The following CD101 variants were observed in gnomAD, a reference collection of about 807,000 sequenced individuals.
CD101 encodes the protein immunoglobulin superfamily member 2.
CD101 carries 76 observed loss-of-function variants against 98.2 expected under a neutral mutation model. That is an observed-to-expected ratio of 0.77 (90% CI 0.64 to 0.94). The LOEUF (loss-of-function observed/expected upper bound fraction) is 0.94, where lower values mean the gene tolerates loss of function less well. CD101 is among the 40% of genes least tolerant of loss of function. The probability of loss-of-function intolerance (pLI) is 0.00; values close to 1 mark genes in which losing one functional copy is unlikely to be tolerated. For missense variants in CD101, 1,145 were observed against 1,218.8 expected, an observed-to-expected ratio of 0.94 and a Z score of 0.90; for synonymous variants, 471 against 472.7, an observed-to-expected ratio of 1.00 and a Z score of 0.05.
At chr1:117,020,265 C>G (rs1653500720) in intron 6 of CD101, among the ~76,000 whole-genome samples, 1 of 152,114 alleles carries the variant, frequency 6.6e-6, no homozygotes, top group Non-Finnish European at 1.5e-5. Context: ...TACACTGAGG[C>G]CAGGTGTGGT....
chr1:117,010,229 T>A lies in CD101; in HGVS notation c.423T>A (p.Ile141=). 1 of 1,603,594 alleles carries A rather than the reference T, an allele frequency of 6.2e-7. No individual in the cohort carries two copies. The highest frequency in any genetic ancestry group is 1.3e-5 in the African/African-American group (1 of 74,846). Residue 141 remains isoleucine (I), a splice_region_variant and synonymous_variant, in exon 2 of 10, where the codon ATT becomes ATA. Coordinates refer to ENST00000682167, the MANE Select transcript of CD101 (RefSeq NM_001256106.3). The surrounding 1 kb of genome is among the most constrained non-coding windows in gnomAD (Gnocchi z 5.2). ...GTTACAGTGCAAAGACTAATCTAAT[T>A]GGTAAGTTGCTTGTCCACTTCTGCT... ...YGSYSAKTNL[I]VIPDTLSATM... is the part of the protein sequence containing the mutation.
chr1:117,021,940 A>T lies in CD101; in HGVS notation c.2385A>T (p.Gly795=). ...CAAATGGCACTTGGCACAAGCTTGG[A>T]GAAAAGAAGTCAGGACTAACAGAAT... ...LSTNGTWHKL[G]EKKSGLTELK... Residue 795 remains glycine, a synonymous_variant, in exon 7 of 10, where the codon GGA becomes GGT. Coordinates refer to ENST00000682167, the MANE Select transcript of CD101 (RefSeq NM_001256106.3). The surrounding 1 kb of genome is among the most constrained non-coding windows in gnomAD (Gnocchi z 4.7). The T allele has an allele frequency of 6.2e-7, 1 of 1,613,138 alleles. No individual in the cohort carries two copies. The highest frequency in any genetic ancestry group is 8.5e-7 in the Non-Finnish European group (1 of 1,179,704).
Position 117,009,968 on chromosome 1 carries a change from G to T in CD101, c.162G>T (p.Gln54His), listed in dbSNP as rs768207648. The change falls in exon 2 of 10, where the codon CAG (glutamine) becomes CAT (histidine). Residue 54 changes from glutamine (Q) to histidine (H), a missense_variant. Transcript: ENST00000682167. The part of the protein sequence containing the change: ...NVTGHQGPSE[Q>H]HFQWSVYLPT... ...CTGGCCACCAGGGACCTTCTGAGCA[G>T]CATTTCCAGTGGTCTGTTTACCTGC... The T allele has an allele frequency of 1.9e-6, 3 of 1,614,202 alleles. No individual in the cohort carries two copies. In the Admixed American group the frequency reaches 5.0e-5, roughly 27 times the overall value.
At chr1:117,035,485 C>T (rs1450575303) in intron 9 of CD101, among the ~76,000 whole-genome samples, 1 of 151,814 alleles carries the variant, frequency 6.6e-6, no homozygotes, top group Non-Finnish European at 1.5e-5. Flanking sequence ...CATGTCAGCA[C>T]ATTTGTTTCT....
rs181949938 is a variant in CD101 at position 117,010,270 on chromosome 1, A to G, written c.424+40A>G. 2 of 1,571,448 alleles carry G rather than the reference A, an allele frequency of 1.3e-6. No homozygotes were observed. Among genetic ancestry groups the G allele is most frequent in the East Asian group, 4.5e-5 (2 of 44,470 alleles). On this transcript the variant is annotated intron_variant, in intron 2 of 9. Transcript: ENST00000682167. This position sits in a 1 kb window ranked among gnomAD's most constrained non-coding sequence, Gnocchi z 5.2. ...CACTTCTGCTAGCCAGCCCCTGAGA[A>G]GCCAGAGTCTCCACCATGACAATAT... is the stretch of plus-strand genomic sequence containing the variant.
In CD101 at chr1:117,022,933, G is replaced by A. The variant is rs1002571718; in HGVS notation, c.2428+950G>A. 6.6e-6 allele frequency among the ~76,000 whole-genome samples: 1 copy of A among 152,136 alleles called. No individual in the cohort carries two copies. Among genetic ancestry groups the A allele is most frequent in the African/African-American group, 2.4e-5 (1 of 41,406 alleles). On this transcript the variant is annotated intron_variant, in intron 7 of 9. Transcript: ENST00000682167. The surrounding 1 kb of genome is among the most constrained non-coding windows in gnomAD (Gnocchi z 4.8). Reference sequence around the variant, plus strand: ...CCCTTCTTCTCCCTGCTAAATGTGTGTGTTCCTCAGGGATAGATCCTGGGC... The same window carrying A: ...CCCTTCTTCTCCCTGCTAAATGTGTATGTTCCTCAGGGATAGATCCTGGGC...
In CD101 at chr1:117,017,306, G is replaced by T; in HGVS notation, c.1445G>T (p.Gly482Val). 4.3e-6 allele frequency: 7 copies of T among 1,614,210 alleles called. No individual in the cohort carries two copies. The highest frequency in any genetic ancestry group is 5.9e-6 in the Non-Finnish European group (7 of 1,180,030). ...GASYGVPSYH[G>V]NTRLEKMDWA... ...TCCTATGGGGTACCCAGTTACCATG[G>T]CAACACAAGGCTGGAGAAAATGGAC... The change falls in exon 5 of 10, where the codon GGC becomes GTC. Residue 482 changes from glycine to valine, a missense_variant. Transcript: ENST00000682167.
In CD101 at chr1:117,033,942, T is replaced by C. The variant is rs370899464; in HGVS notation, c.2907T>C (p.Leu969=). The C allele has an allele frequency of 1.9e-5, 30 of 1,614,052 alleles. No individual in the cohort carries two copies. The highest frequency in any genetic ancestry group is 2.5e-5 in the Non-Finnish European group (30 of 1,180,040). The change falls in exon 9 of 10, where the codon CTT becomes CTC. Residue 969 remains leucine (L), a synonymous_variant. Transcript: ENST00000682167. The surrounding 1 kb of genome is among the most constrained non-coding windows in gnomAD (Gnocchi z 4.8). ...LFICPFVLLL[L]LLISLLCLYW... is the part of the protein sequence containing the mutation. ...TCTGTCCCTTCGTCCTGCTCCTCCT[T>C]CTGCTCATCTCCCTCCTCTGCTTAT... is the stretch of plus-strand genomic sequence containing the variant.
intron 1 of CD101, among the ~76,000 whole-genome samples, chr1:117,009,466 C>A (rs1652745293): frequency 1.3e-5 from 2 of 152,200 alleles, no homozygotes; most frequent in South Asian, 4.1e-4. Flanking sequence ...ATGGCAGGCA[C>A]CCTGGAATTT....
Position 117,033,966 on chromosome 1 carries a change from A to C in CD101, c.2931A>C (p.Leu977Phe), listed in dbSNP as rs1471932781. 1 of 1,614,050 alleles carries C rather than the reference A, an allele frequency of 6.2e-7. No homozygotes were observed. Among genetic ancestry groups the C allele is most frequent in the Non-Finnish European group, 8.5e-7 (1 of 1,180,026 alleles). The part of the protein sequence containing the change: ...LLLLLISLLC[L>F]YWKARKLSTL... ...TTCTGCTCATCTCCCTCCTCTGCTT[A>C]TACTGGAAGGCCAGGAAGTTGTCAA... The change falls in exon 9 of 10, where the codon TTA becomes TTC. Residue 977 changes from leucine (L) to phenylalanine (F), a missense_variant. Physicochemically the swap from Leu to Phe is conservative, Grantham distance 22 (BLOSUM62 0). Transcript: ENST00000682167. This position sits in a 1 kb window ranked among gnomAD's most constrained non-coding sequence, Gnocchi z 4.8.
Position 117,025,928 on chromosome 1 carries a change from G to A in CD101, c.2824+24G>A, listed in dbSNP as rs377692883. Reference sequence around the variant, plus strand: ...AGGTAACCAGGGGTTTATCTACCGCGAGCTCATGGTCAGGAGAATACATGG... The same window carrying A: ...AGGTAACCAGGGGTTTATCTACCGCAAGCTCATGGTCAGGAGAATACATGG... On this transcript the variant is annotated intron_variant, in intron 8 of 9. Transcript: ENST00000682167. The A allele has an allele frequency of 1.5e-5, 23 of 1,582,814 alleles. No homozygotes were observed. The African/African-American group carries it at 1.7e-4, about 12-fold the overall frequency.
chr1:117,018,216 T>C lies in CD101; in HGVS notation c.1673T>C (p.Phe558Ser), dbSNP rs776551798. ...RQPQVMLTNT[F>S]DLSCVVRAGY... ...CCGCAAGTGATGTTAACCAACACCT[T>C]TGACCTGTCCTGTGTCGTGAGGGCC... is the stretch of plus-strand genomic sequence containing the variant. The change falls in exon 6 of 10, where the codon TTT becomes TCT. Residue 558 changes from phenylalanine (F) to serine (S), a missense_variant. By Grantham distance (155) the Phe-to-Ser change is radical. Coordinates refer to ENST00000682167, the MANE Select transcript of CD101 (RefSeq NM_001256106.3). The surrounding 1 kb of genome is among the most constrained non-coding windows in gnomAD (Gnocchi z 4.3). The C allele has an allele frequency of 1.2e-6, 2 of 1,614,094 alleles. No individual in the cohort carries two copies. The highest frequency in any genetic ancestry group is 1.7e-6 in the Non-Finnish European group (2 of 1,179,966).
In CD101 at chr1:117,019,911, G is replaced by T. The variant is rs1653474173; in HGVS notation, c.2017+1351G>T. 6.6e-6 allele frequency among the ~76,000 whole-genome samples: 1 copy of T among 152,124 alleles called. No individual in the cohort carries two copies. The highest frequency in any genetic ancestry group is 1.5e-5 in the Non-Finnish European group (1 of 68,014). ...TAAACTCCCACAGTGTGACATGCAA[G>T]GTCCTTTATCATCTGGTACATTTGT... On this transcript the variant is annotated intron_variant, in intron 6 of 9. Coordinates refer to ENST00000682167, the MANE Select transcript of CD101 (RefSeq NM_001256106.3). The surrounding 1 kb of genome is among the most constrained non-coding windows in gnomAD (Gnocchi z 4.3).
chr1:117,009,071 T>C (rs1232356516), intron 1 of CD101, among the ~76,000 whole-genome samples: 1 of 152,260 alleles, frequency 6.6e-6, no homozygotes, highest in African/African-American at 2.4e-5. Context: ...TACCATTTAA[T>C]CATGCTTTTT....
rs1473153663 is a variant in CD101, at chr1:117,017,376, C to G, written c.1515C>G (p.Asp505Glu). The G allele has an allele frequency of 6.2e-7, 1 of 1,614,090 alleles. No individual in the cohort carries two copies. The highest frequency in any genetic ancestry group is 2.2e-5 in the East Asian group (1 of 44,896). ...QLEITFTAIT[D>E]SGTYECRVSE... ...AGATCACCTTCACTGCCATCACAGA[C>G]AGTGGCACATATGAGTGCAGAGTAT... is the stretch of plus-strand genomic sequence containing the variant. Residue 505 changes from aspartate (D) to glutamate (E), a missense_variant, in exon 5 of 10, where the codon GAC (aspartate) becomes GAG (glutamate). Physicochemically the swap from Asp to Glu is conservative, Grantham distance 45. Transcript: ENST00000682167.
chr1:117,017,390 A>C lies in CD101; in HGVS notation c.1529A>C (p.Glu510Ala). The change falls in exon 5 of 10, where the codon GAG becomes GCG. Residue 510 changes from glutamate to alanine, a missense_variant. Transcript: ENST00000682167. ...FTAITDSGTY[E>A]CRVSEKSRNQ... ...GCCATCACAGACAGTGGCACATATG[A>C]GTGCAGAGTATCTGAGAAGTCTCGG... is the stretch of plus-strand genomic sequence containing the variant. 1 of 1,614,216 alleles carries C rather than the reference A, an allele frequency of 6.2e-7. No individual in the cohort carries two copies. The highest frequency in any genetic ancestry group is 1.1e-5 in the South Asian group (1 of 91,090).
intron 8 of CD101, among the ~76,000 whole-genome samples, chr1:117,028,054 C>T (rs1654074507): frequency 6.6e-6 from 1 of 151,504 alleles, no homozygotes; most frequent in Non-Finnish European, 1.5e-5. Context: ...CATTGCACTC[C>T]AGCCTGGGCA....
rs774662262 is a variant in CD101, at chr1:117,033,766, C to G, written c.2825-94C>G. 4 of 1,533,648 alleles carry G rather than the reference C, an allele frequency of 2.6e-6. No individual in the cohort carries two copies. The highest frequency in any genetic ancestry group is 2.7e-6 in the Non-Finnish European group (3 of 1,127,476). ...TTTGGCCCCATTATTTTTACATATA[C>G]TTGCCTATAACAATAAATCCCAGGA... is the stretch of plus-strand genomic sequence containing the variant. On this transcript the variant is annotated intron_variant, in intron 8 of 9. Transcript: ENST00000682167. The surrounding 1 kb of genome is among the most constrained non-coding windows in gnomAD (Gnocchi z 4.8).
intron 1 of CD101, among the ~76,000 whole-genome samples, chr1:117,002,805 C>T (rs1470888069): frequency 6.6e-6 from 1 of 152,176 alleles, no homozygotes; most frequent in African/African-American, 2.4e-5. Context: ...GTATAAATAA[C>T]ATTTCAATAT....
Sources: allele counts gnomAD v4.1 joint callset (sites outside exome capture counted in the v4.1 genomes callset), GRCh38; gene constraint gnomAD v4.1.1; non-coding constraint Gnocchi (gnomAD v3.1); transcripts MANE v1.5; gene names NCBI Gene and HGNC (gene_info 2026-07-23, HGNC 2026-07-21).